Variants in DPH6 observed in about 807,000 individuals in gnomAD.
The protein encoded by DPH6 is diphthamine biosynthesis 6.
A neutral mutation model predicts 38.2 loss-of-function variants in DPH6; 33 were observed. That is an observed-to-expected ratio of 0.86 (90% CI 0.65 to 1.15). DPH6 has a LOEUF of 1.15. Ranked by LOEUF, DPH6 falls within the 50% of genes most tolerant of loss-of-function variation. The pLI is 0.00. For missense variants in DPH6, 325 were observed against 320.0 expected, an observed-to-expected ratio of 1.02 and a Z score of -0.12; for synonymous variants, 108 against 103.0, an observed-to-expected ratio of 1.05 and a Z score of -0.30.
chr15:35,192,697 T>C, the DPH6 span, among the ~76,000 whole-genome samples: 5 of 152,194 alleles, frequency 3.3e-5, no homozygotes, highest in African/African-American at 9.7e-5. Flanking sequence ...CGGTGTAAAA[T>C]AAGATATAGG....
At chr15:35,402,075 C>T (rs2053227697) in intron 6 of DPH6, among the ~76,000 whole-genome samples, 1 of 152,132 alleles carries the variant, frequency 6.6e-6, no homozygotes, top group African/African-American at 2.4e-5. Context: ...ATGTAATAGT[C>T]TAATTGTCAC....
intron 3 of DPH6, among the ~76,000 whole-genome samples, chr15:35,231,565 A>G (rs1401245197): frequency 6.6e-6 from 1 of 152,218 alleles, no homozygotes; most frequent in Non-Finnish European, 1.5e-5. Flanking sequence ...GTGGACAATC[A>G]GTGGAGCTTT....
At position 35,411,402 on chromosome 15, in the gene DPH6, T is replaced by A. The variant is rs540987220; in HGVS notation, c.506-506A>T. On this transcript the variant is annotated intron_variant, in intron 5 of 8. Coordinates refer to ENST00000256538, the MANE Select transcript of DPH6 (RefSeq NM_080650.4). Reference sequence around the variant, plus strand: ...AACAGTGGCATATGGGCACAAATAATTGCATTATTAAATTAAATGACATTT... The same window carrying A: ...AACAGTGGCATATGGGCACAAATAAATGCATTATTAAATTAAATGACATTT... Among the ~76,000 whole-genome samples, 26 of 151,884 alleles carry A rather than the reference T, an allele frequency of 1.7e-4. 2 individuals carry two copies. In the South Asian group the frequency reaches 5.4e-3, roughly 32 times the overall value.
At chr15:35,185,655 G>A in the DPH6 span, among the ~76,000 whole-genome samples, 102 of 150,998 alleles carry the variant, frequency 6.8e-4, no homozygotes, top group African/African-American at 1.0e-3. Flanking sequence ...ATTTTCGAGC[G>A]TAGAAGGTAT....
chr15:35,159,091 C>T, the DPH6 span, among the ~76,000 whole-genome samples: 1 of 152,078 alleles, frequency 6.6e-6, no homozygotes, highest in Non-Finnish European at 1.5e-5. Context: ...CATACCCTTT[C>T]CTTTTTCCCC....
intron 6 of DPH6, among the ~76,000 whole-genome samples, chr15:35,392,406 T>C (rs1438781462): frequency 3.2e-5 from 4 of 124,158 alleles, no homozygotes; most frequent in Non-Finnish European, 5.0e-5. Context: ...CATTTTAAAA[T>C]GGAAAAAAAA....
At chr15:35,485,305 C>A (rs1489388200) in intron 3 of DPH6, among the ~76,000 whole-genome samples, 1 of 152,156 alleles carries the variant, frequency 6.6e-6, no homozygotes, top group African/African-American at 2.4e-5. Context: ...TGATTGAGAT[C>A]TTTTGTGTTG....
downstream of DPH6, among the ~76,000 whole-genome samples, chr15:35,368,841 C>A (rs1003004082): frequency 1.3e-5 from 2 of 150,970 alleles, no homozygotes; most frequent in Non-Finnish European, 3.0e-5. Flanking sequence ...AGCAGCCAGT[C>A]AGAAATAAGA....
chr15:35,480,474 T>G (rs1055778326), intron 3 of DPH6, among the ~76,000 whole-genome samples: 17 of 152,060 alleles, frequency 1.1e-4, no homozygotes, highest in African/African-American at 3.9e-4. Context: ...CATCCACAAT[T>G]AAATCTTAAG....
chr15:35,198,749 C>G, the DPH6 span, among the ~76,000 whole-genome samples: 2 of 152,130 alleles, frequency 1.3e-5, no homozygotes, highest in Non-Finnish European at 2.9e-5. Context: ...AATCATCATG[C>G]AAGAAAGTTG....
intron 5 of DPH6, among the ~76,000 whole-genome samples, chr15:35,445,668 T>C (rs2053843054): frequency 6.6e-6 from 1 of 152,176 alleles, no homozygotes; most frequent in Non-Finnish European, 1.5e-5. Flanking sequence ...AAATCTATTA[T>C]AAAAGGTTGA....
At chr15:35,159,327 C>T in the DPH6 span, among the ~76,000 whole-genome samples, 2 of 152,020 alleles carry the variant, frequency 1.3e-5, no homozygotes, top group African/African-American at 2.4e-5. Flanking sequence ...TTCACTTCTA[C>T]AGCTATTCTT....
intron 7 of DPH6, among the ~76,000 whole-genome samples, chr15:35,374,769 A>G (rs1023143568): frequency 6.6e-6 from 1 of 152,244 alleles, no homozygotes; most frequent in Non-Finnish European, 1.5e-5. Flanking sequence ...ATTTGCCTTC[A>G]CAGTCTACAT....
chr15:35,404,776 G>T (rs1363945249), intron 6 of DPH6, among the ~76,000 whole-genome samples: 1 of 151,956 alleles, frequency 6.6e-6, no homozygotes, highest in Non-Finnish European at 1.5e-5. Flanking sequence ...TTGGGGGGTG[G>T]TATTACTCAA....
intron 3 of DPH6, among the ~76,000 whole-genome samples, chr15:35,477,968 C>T (rs904727312): frequency 6.6e-6 from 1 of 151,850 alleles, no homozygotes; most frequent in African/African-American, 2.4e-5. Flanking sequence ...ATGGTCCTTC[C>T]GGTAATTTTT....
chr15:35,191,368 A>T, the DPH6 span, among the ~76,000 whole-genome samples: 1 of 152,314 alleles, frequency 6.6e-6, no homozygotes, highest in East Asian at 1.9e-4. Context: ...GCATCATTCT[A>T]CTCAAATGGT....
intron 5 of DPH6, among the ~76,000 whole-genome samples, chr15:35,425,810 C>CATAT (rs71741742): frequency 8.2e-4 from 116 of 142,024 alleles, no homozygotes; most frequent in African/African-American, 2.2e-3. Context: ...TATGACATGA[C>CATAT]ATATATATAT....
intron 3 of DPH6, among the ~76,000 whole-genome samples, chr15:35,361,257 C>G (rs936072273): frequency 1.3e-5 from 2 of 152,182 alleles, no homozygotes; most frequent in Non-Finnish European, 2.9e-5. Context: ...ACCTGGATCT[C>G]AATACTCCCA....
intron 3 of DPH6, among the ~76,000 whole-genome samples, chr15:35,301,851 G>A (rs1262566307): frequency 6.6e-6 from 1 of 152,114 alleles, no homozygotes; most frequent in Non-Finnish European, 1.5e-5. Flanking sequence ...GCATGTGCCT[G>A]TAATCCCAGC....
Sources: allele counts gnomAD v4.1 joint callset (sites outside exome capture counted in the v4.1 genomes callset), GRCh38; gene constraint gnomAD v4.1.1; transcripts MANE v1.5; gene names NCBI Gene and HGNC (gene_info 2026-07-23, HGNC 2026-07-21).